The following RAD1 variants were observed in gnomAD, a reference collection of about 807,000 sequenced individuals.
RAD1 encodes the protein RAD1 checkpoint DNA exonuclease, also known as cell cycle checkpoint protein RAD1.
In RAD1, 21 loss-of-function variants were observed where a neutral mutation model predicts 30.0. The observed-to-expected ratio is 0.70, with a 90% CI of 0.50 to 1.01. RAD1 has a LOEUF of 1.01. Ranked by LOEUF, RAD1 falls within the 50% of genes least tolerant of loss-of-function variation. RAD1 has a pLI of 0.00. For synonymous variants in RAD1, 109 were observed against 113.6 expected (o/e 0.96, Z 0.26); for missense variants, 329 against 329.0 (o/e 1.00, Z 0.00).
chr5:34,912,110 G>A (rs1417216512), intron 3 of RAD1, among the ~76,000 whole-genome samples: 1 of 152,122 alleles, frequency 6.6e-6, no homozygotes, highest in East Asian at 1.9e-4. Flanking sequence ...ACAATTTCAG[G>A]GTAGAGAATC....
intron 3 of RAD1, 91 bp from the exon 4 acceptor site, chr5:34,911,903 A>C: frequency 7.0e-7 from 1 of 1,433,538 alleles, no homozygotes; most frequent in Non-Finnish European, 9.5e-7. Context: ...CTCAAGAATA[A>C]TTTATTCCGC....
intron 4 of RAD1, 97 bp from the exon 5 acceptor site, chr5:34,909,453 T>C (rs1321745470): frequency 3.8e-6 from 3 of 783,526 alleles, no homozygotes; most frequent in Non-Finnish European, 6.3e-6. Context: ...TTCATACTAG[T>C]GGGTGAAACA....
Position 34,908,604 on chromosome 5 carries a change from C to T in RAD1, c.*161G>A, listed in dbSNP as rs41271737. On this transcript the variant is annotated 3_prime_UTR_variant, in exon 6 of 6. Coordinates refer to ENST00000382038, the MANE Select transcript of RAD1 (RefSeq NM_002853.4). ...ACATGCCCTCTACAAAATGGATTTA[C>T]AAAACATAGTAACTATTAGGGTACA... is the stretch of plus-strand genomic sequence containing the variant. 7.8e-4 allele frequency: 453 copies of T among 580,118 alleles called. 6 individuals carry two copies. In the East Asian group the frequency reaches 0.013, roughly 16 times the overall value. 35.9% of individuals were successfully genotyped at this position (580,118 alleles called of 1,614,324 possible). A position where few individuals can be genotyped will look rare whatever the true frequency, so the allele number is the denominator to read the frequency against.
intron 3 of RAD1, among the ~76,000 whole-genome samples, chr5:34,912,509 T>C (rs916808732): frequency 6.6e-6 from 1 of 152,166 alleles, no homozygotes; most frequent in Non-Finnish European, 1.5e-5. Flanking sequence ...TAATTAATAA[T>C]AGTGGAATTG....
chr5:34,908,912 T>C lies in RAD1; in HGVS notation c.702A>G (p.Ala234=). Residue 234 remains alanine (A), a synonymous_variant, in exon 6 of 6, where the codon GCA becomes GCG. Transcript: ENST00000382038. ...KISLLKPSTK[A]LVLSCKVSIR... The stretch of plus-strand genomic sequence containing the variant: ...TAGATACCTTACAAGATAGGACTAA[T>C]GCCTTTGTAGAGGGTTTCAGTAAGG... 1 of 1,610,690 alleles carries C rather than the reference T, an allele frequency of 6.2e-7. No homozygotes were observed. The highest frequency in any genetic ancestry group is 1.1e-5 in the South Asian group (1 of 90,442).
intron 3 of RAD1, among the ~76,000 whole-genome samples, chr5:34,912,297 A>G (rs1190442550): frequency 6.6e-6 from 1 of 152,202 alleles, no homozygotes; most frequent in African/African-American, 2.4e-5. Flanking sequence ...TATTTCCTCG[A>G]ATTTAAAAAT....
intron 4 of RAD1, among the ~76,000 whole-genome samples, chr5:34,909,729 T>G (rs778578938): frequency 3.3e-5 from 5 of 152,204 alleles, no homozygotes; most frequent in Non-Finnish European, 5.9e-5. Flanking sequence ...CTGTTCCCAA[T>G]CCTACACCTA....
At chr5:34,911,093 C>A (rs556764941) in intron 4 of RAD1, among the ~76,000 whole-genome samples, 1 of 152,306 alleles carries the variant, frequency 6.6e-6, no homozygotes, top group African/African-American at 2.4e-5. Flanking sequence ...GTTCTTCCCA[C>A]AATGCTTAAT....
chr5:34,908,966 AAACGCTGTTATATC>A lies in RAD1; in HGVS notation c.666-32_666-19del. ...TCTTGTATCTGTAGAAGAAAAAATAAAACGCTGTTATATCAACACAGTGAACACTGCTCAGAACT... is the reference window on the plus strand; with the variant it reads ...TCTTGTATCTGTAGAAGAAAAAATAAAACACAGTGAACACTGCTCAGAACT... On this transcript the variant is annotated intron_variant, in intron 5 of 5. Transcript: ENST00000382038. 1.9e-6 allele frequency: 3 copies of A among 1,585,646 alleles called. No individual in the cohort carries two copies. Among genetic ancestry groups the A allele is most frequent in the Non-Finnish European group, 2.6e-6 (3 of 1,165,852 alleles).
intron 2 of RAD1, among the ~76,000 whole-genome samples, chr5:34,914,217 G>A (rs1435447720): frequency 2.6e-5 from 4 of 152,186 alleles, no homozygotes; most frequent in Non-Finnish European, 5.9e-5. Context: ...GCATATCGCA[G>A]TGGAAAAAAG....
intron 4 of RAD1, among the ~76,000 whole-genome samples, chr5:34,910,880 C>G (rs1763814615): frequency 6.6e-6 from 1 of 152,148 alleles, no homozygotes; most frequent in African/African-American, 2.4e-5. Context: ...GAGTCTAATC[C>G]TGAAAAGAGA....
At position 34,908,809 on chromosome 5, in the gene RAD1, A is replaced by G. The variant is rs751399705; in HGVS notation, c.805T>C (p.Tyr269His). 1 of 1,611,476 alleles carries G rather than the reference A, an allele frequency of 6.2e-7. No individual in the cohort carries two copies. Among genetic ancestry groups the G allele is most frequent in the Admixed American group, 1.7e-5 (1 of 59,208 alleles). Residue 269 changes from tyrosine to histidine, a missense_variant, in exon 6 of 6, where the codon TAT becomes CAT. By Grantham distance (83) the Tyr-to-His change is moderately conservative. Coordinates refer to ENST00000382038, the MANE Select transcript of RAD1 (RefSeq NM_002853.4). The stretch of plus-strand genomic sequence containing the variant: ...ACTTCTTCATCAGGGCAGCAGTAAT[A>G]TTCCACAAAACATATTTGTCCATCT... ...NEDGQICFVE[Y>H]YCCPDEEVPE...
intron 2 of RAD1, among the ~76,000 whole-genome samples, chr5:34,914,315 T>C (rs955101754): frequency 6.6e-6 from 1 of 152,188 alleles, no homozygotes; most frequent in Non-Finnish European, 1.5e-5. Context: ...TCACTTAAAA[T>C]TGTGCCTCGT....
At position 34,907,012 on chromosome 5, in the gene RAD1, G is replaced by A. The variant is rs1317226380; in HGVS notation, c.*1753C>T. 1 of 151,988 alleles carries A rather than the reference G, an allele frequency of 6.6e-6. No homozygotes were observed. The highest frequency in any genetic ancestry group is 1.5e-5 in the Non-Finnish European group (1 of 68,014). The allele number at this position is 151,988 out of a possible 1,614,324, so 9.4% of individuals were successfully genotyped here. A position where few individuals can be genotyped will look rare whatever the true frequency, so the allele number is the denominator to read the frequency against. ...TTAGAAAATTCCAACTTCTTTTGTA[G>A]TCACTGCTAAATTTTGTATGCTGAG... On this transcript the variant is annotated 3_prime_UTR_variant, in exon 6 of 6. Coordinates refer to ENST00000382038, the MANE Select transcript of RAD1 (RefSeq NM_002853.4).
chr5:34,915,089 C>T (rs1356216168), intron 1 of RAD1, 128 bp from the exon 2 acceptor site: 2 of 588,418 alleles, frequency 3.4e-6, no homozygotes, highest in African/African-American at 3.7e-5. Flanking sequence ...ACCTATGTCA[C>T]TTAACTATCT....
At chr5:34,912,945 G>A (rs1763898229) in intron 3 of RAD1, among the ~76,000 whole-genome samples, 1 of 152,216 alleles carries the variant, frequency 6.6e-6, no homozygotes, top group South Asian at 2.1e-4. Context: ...AGGTTGCAGT[G>A]AGCTGAGACT....
chr5:34,911,465 A>G, intron 4 of RAD1, 89 bp downstream of exon 4: 1 of 1,463,620 alleles, frequency 6.8e-7, no homozygotes, highest in East Asian at 2.3e-5. Context: ...AAAAATGTGG[A>G]TAATAAAAAT....
rs1366236498 is a variant in RAD1, at chr5:34,906,185, G to A, written c.*2580C>T. ...TGGCCAGGCTGATCTCGAACTTCCTGACCTCAGATGATCCCCCTGCCTCGG... is the reference window on the plus strand; with the variant it reads ...TGGCCAGGCTGATCTCGAACTTCCTAACCTCAGATGATCCCCCTGCCTCGG... On this transcript the variant is annotated 3_prime_UTR_variant, in exon 6 of 6. Coordinates refer to ENST00000382038, the MANE Select transcript of RAD1 (RefSeq NM_002853.4). The A allele has an allele frequency of 6.6e-6, 1 of 152,044 alleles. No individual in the cohort carries two copies. Among genetic ancestry groups the A allele is most frequent in the Non-Finnish European group, 1.5e-5 (1 of 68,042 alleles). The allele number at this position is 152,044 out of a possible 1,614,324, so 9.4% of individuals were successfully genotyped here. A position where few individuals can be genotyped will look rare whatever the true frequency, so the allele number is the denominator to read the frequency against.
Position 34,909,321 on chromosome 5 carries a change from A to T in RAD1, c.602T>A (p.Leu201His). 6.2e-7 allele frequency: 1 copy of T among 1,611,042 alleles called. No individual in the cohort carries two copies. Among genetic ancestry groups the T allele is most frequent in the South Asian group, 1.1e-5 (1 of 90,810 alleles). ...STFGNAGSSH[L>H]DYPKDSDLME... is the part of the protein sequence containing the mutation. ...CAAATCAGAATCTTTGGGATAGTCA[A>T]GGTGGGAACTTCCTGCATTTCCAAA... The change falls in exon 5 of 6, where the codon CTT becomes CAT. Residue 201 changes from leucine (L) to histidine (H), a missense_variant. Physicochemically the swap from Leu to His is moderately conservative, Grantham distance 99 (BLOSUM62 -3). Transcript: ENST00000382038.
Sources: gnomAD v4.1 joint callset for allele counts (sites outside exome capture counted in the v4.1 genomes callset) on GRCh38, gnomAD v4.1.1 for gene constraint, MANE v1.5 for transcripts, NCBI Gene and HGNC (gene_info 2026-07-23, HGNC 2026-07-21) for gene names.